ZNF254: variants seen among roughly 807,000 people sequenced by gnomAD.
The protein encoded by ZNF254 is CTD-2017D11.1.
ZNF254 carries 10 observed loss-of-function variants against 12.4 expected under a neutral mutation model. That is an observed-to-expected ratio of 0.80 (90% CI 0.50 to 1.36). The LOEUF (loss-of-function observed/expected upper bound fraction) is 1.36, where lower values mean the gene tolerates loss of function less well. Ranked by LOEUF, ZNF254 falls within the 40% of genes most tolerant of loss-of-function variation. ZNF254 has a pLI of 0.00. For missense variants in ZNF254, 996 were observed against 763.9 expected (o/e 1.30, Z -3.58); for synonymous variants, 305 against 253.4 (o/e 1.20, Z -1.93).
intron 2 of ZNF254, among the ~76,000 whole-genome samples, chr19:24,054,285 A>T (rs1970758175): frequency 6.6e-6 from 1 of 152,084 alleles, no homozygotes; most frequent in Admixed American, 6.6e-5. Context: ...CTTGGCTGAA[A>T]TCCCAGGTGA....
rs1365911785 is a variant in ZNF254, at chr19:24,129,583, A to G, written c.*1603A>G. 6.6e-6 allele frequency: 1 copy of G among 152,016 alleles called. No individual in the cohort carries two copies. The highest frequency in any genetic ancestry group is 2.4e-5 in the African/African-American group (1 of 41,442). 9.4% of individuals were successfully genotyped at this position (152,016 alleles called of 1,614,324 possible). On this transcript the variant is annotated 3_prime_UTR_variant, in exon 4 of 4. Transcript: ENST00000357002. ...TATTTTTCTTAATTTTTGTGGATAC[A>G]TAATATGTGTATATATGTATGCCAT...
chr19:24,098,308 A>G (rs1972790199), intron 1 of ZNF254: 1 of 152,234 alleles, frequency 6.6e-6, no homozygotes, highest in South Asian at 2.1e-4. Context: ...CTGCTATTAC[A>G]GGACAAATAA....
chr19:24,089,249 T>G (rs1972222189), intron 1 of ZNF254, among the ~76,000 whole-genome samples: 1 of 152,232 alleles, frequency 6.6e-6, no homozygotes, highest in Non-Finnish European at 1.5e-5. Flanking sequence ...GTGCTGGGAT[T>G]ACAGGCGTGA....
intron 2 of ZNF254, among the ~76,000 whole-genome samples, chr19:24,054,978 G>T (rs957973367): frequency 6.6e-6 from 1 of 151,856 alleles, no homozygotes; most frequent in African/African-American, 2.4e-5. Flanking sequence ...GCCGAGGTGG[G>T]TGAAACGAGG....
intron 2 of ZNF254, among the ~76,000 whole-genome samples, chr19:24,049,214 A>ATATATTTTTTTTTTTTTT (rs1160333151): frequency 9.8e-5 from 4 of 40,864 alleles, no homozygotes; most frequent in African/African-American, 5.5e-4. Flanking sequence ...ATATATATAT[A>ATATATTTTTTTTTTTTTT]TTTTTTTTTT....
At chr19:24,050,312 G>A (rs776347266) in intron 2 of ZNF254, among the ~76,000 whole-genome samples, 15 of 151,828 alleles carry the variant, frequency 9.9e-5, no homozygotes, top group South Asian at 2.1e-4. Flanking sequence ...GGTGTGTGCC[G>A]CCACGTCTGG....
intron 2 of ZNF254, among the ~76,000 whole-genome samples, chr19:24,050,460 C>T (rs565725812): frequency 2.6e-5 from 4 of 152,294 alleles, no homozygotes; most frequent in Non-Finnish European, 4.4e-5. Flanking sequence ...GCTCTTGGCA[C>T]CCTTTGACTA....
chr19:24,041,705 C>T lies in ZNF254; in HGVS notation c.-189-4479C>T, dbSNP rs369988666. On this transcript the variant is annotated intron_variant, in intron 1 of 4. Coordinates refer to the ZNF254 transcript ENST00000613065. ...CCAAGGGCTGAGGAATGCGAGCGCACGGCGCAGGACTGGCAGGCAGCTTCA... is the reference window on the plus strand; with the variant it reads ...CCAAGGGCTGAGGAATGCGAGCGCATGGCGCAGGACTGGCAGGCAGCTTCA... Among the ~76,000 whole-genome samples the T allele has an allele frequency of 9.0e-4, 137 of 151,732 alleles. 3 individuals carry two copies. In the South Asian group the frequency reaches 0.024, roughly 26 times the overall value.
At chr19:24,092,635 C>T (rs990892877) in intron 1 of ZNF254, among the ~76,000 whole-genome samples, 40 of 152,142 alleles carry the variant, frequency 2.6e-4, no homozygotes, top group African/African-American at 9.4e-4. Flanking sequence ...CCTGCCTTGG[C>T]CTCTCAGAGT....
At chr19:24,037,440 T>C (rs11666653) in intron 1 of ZNF254, among the ~76,000 whole-genome samples, 1 of 152,080 alleles carries the variant, frequency 6.6e-6, no homozygotes, top group Non-Finnish European at 1.5e-5. Flanking sequence ...TATTTATTTT[T>C]ATGTTTTTTT....
chr19:24,048,086 A>AG (rs1303875227), intron 2 of ZNF254, among the ~76,000 whole-genome samples: 1 of 134,296 alleles, frequency 7.4e-6, no homozygotes, highest in Non-Finnish European at 1.5e-5. Context: ...TAGTCGCCAG[A>AG]GGGACAGCTT....
intron 1 of ZNF254, among the ~76,000 whole-genome samples, chr19:24,043,281 A>G (rs2008976): frequency 0.16 from 23,833 of 150,838 alleles, 2,008 homozygotes; most frequent in Middle Eastern, 0.23. Context: ...TTTTTTTTTG[A>G]GATAGAATCT....
At chr19:24,035,409 C>G (rs1385833495) in intron 1 of ZNF254, among the ~76,000 whole-genome samples, 1 of 152,130 alleles carries the variant, frequency 6.6e-6, no homozygotes, top group Non-Finnish European at 1.5e-5. Context: ...GTGATCCACC[C>G]TCCTCAGCCT....
chr19:24,100,419 A>G (rs916817129), intron 1 of ZNF254, among the ~76,000 whole-genome samples: 19 of 150,058 alleles, frequency 1.3e-4, no homozygotes, highest in Non-Finnish European at 2.2e-4. Flanking sequence ...CAAAACTTTT[A>G]TTTGAGGAAT....
intron 3 of ZNF254, among the ~76,000 whole-genome samples, chr19:24,115,224 A>C (rs1403615143): frequency 6.6e-6 from 1 of 151,956 alleles, no homozygotes; most frequent in Admixed American, 6.5e-5. Flanking sequence ...ACACATGCAC[A>C]AGTATGTTTA....
chr19:24,042,692 G>A (rs867793306), intron 1 of ZNF254, among the ~76,000 whole-genome samples: 13 of 152,232 alleles, frequency 8.5e-5, no homozygotes, highest in African/African-American at 2.9e-4. Context: ...CACCAATTCC[G>A]GACAAACCAG....
At chr19:24,117,920 A>G (rs1599751563) in intron 3 of ZNF254, among the ~76,000 whole-genome samples, 1 of 152,000 alleles carries the variant, frequency 6.6e-6, no homozygotes, top group South Asian at 2.1e-4. Flanking sequence ...CATATTTTAT[A>G]TATAGATTCA....
chr19:24,047,864 T>A (rs1037061790), intron 2 of ZNF254, among the ~76,000 whole-genome samples: 8 of 151,274 alleles, frequency 5.3e-5, no homozygotes, highest in Non-Finnish European at 8.8e-5. Flanking sequence ...ATTTTGTATT[T>A]TTAGTAGAGA....
intron 3 of ZNF254, among the ~76,000 whole-genome samples, chr19:24,116,225 G>T (rs1974063671): frequency 6.6e-6 from 1 of 152,058 alleles, no homozygotes; most frequent in Admixed American, 6.6e-5. Context: ...TGTATTTCCT[G>T]AATCTGAATG....
Sources: gnomAD v4.1 joint callset for allele counts (sites outside exome capture counted in the v4.1 genomes callset) on GRCh38, gnomAD v4.1.1 for gene constraint, MANE v1.5 for transcripts, NCBI Gene and HGNC (gene_info 2026-07-23, HGNC 2026-07-21) for gene names.